Variants in STRBP observed in about 807,000 individuals in gnomAD.
STRBP encodes the protein spermatid perinuclear RNA-binding protein.
A neutral mutation model predicts 80.1 loss-of-function variants in STRBP; 13 were observed. The ratio of observed to expected loss-of-function variants is 0.16; its 90% CI spans 0.11 to 0.26. The LOEUF is 0.26. STRBP is among the 10% of genes least tolerant of loss of function. STRBP has a pLI of 1.00. For missense variants in STRBP, 485 were observed against 815.2 expected, an observed-to-expected ratio of 0.59 and a Z score of 4.93; for synonymous variants, 284 against 291.2, an observed-to-expected ratio of 0.98 and a Z score of 0.25.
rs1480044508 is a variant in STRBP, at chr9:123,159,225, A to G, written c.724-18T>C. 6.6e-7 allele frequency: 1 copy of G among 1,525,056 alleles called. No individual in the cohort carries two copies. The highest frequency in any genetic ancestry group is 1.7e-5 in the Admixed American group (1 of 59,680). 94.5% of individuals were successfully genotyped at this position (1,525,056 alleles called of 1,614,324 possible). On this transcript the variant is annotated intron_variant, in intron 8 of 18. Transcript: ENST00000348403. ...TCTAGTGGCTAGAAGATATTAAATT[A>G]CAAATTAGTACATGCACCAAGTGTT... is the stretch of plus-strand genomic sequence containing the variant.
At chr9:123,131,735 C>G (rs1169491886) in intron 17 of STRBP, among the ~76,000 whole-genome samples, 1 of 152,182 alleles carries the variant, frequency 6.6e-6, no homozygotes. Context: ...CTGTAAGCTG[C>G]ATGAGAACAA....
At chr9:123,192,831 T>G (rs1248154354) in intron 2 of STRBP, among the ~76,000 whole-genome samples, 1 of 152,166 alleles carries the variant, frequency 6.6e-6, no homozygotes, top group African/African-American at 2.4e-5. Context: ...AGACTCCTCT[T>G]CAAAACCTTC....
chr9:123,124,628 T>C lies in STRBP; in HGVS notation c.*969A>G, dbSNP rs1181584168. On this transcript the variant is annotated 3_prime_UTR_variant, in exon 19 of 19. Transcript: ENST00000348403. Reference sequence around the variant, plus strand: ...CTTCAATGAATCCCAGCAAAATCACTAATCTTCTATCTGCATGAAAAAAGC... The same window carrying C: ...CTTCAATGAATCCCAGCAAAATCACCAATCTTCTATCTGCATGAAAAAAGC... 1 of 985,328 alleles carries C rather than the reference T, an allele frequency of 1.0e-6. No individual in the cohort carries two copies. Among genetic ancestry groups the C allele is most frequent in the Non-Finnish European group, 1.2e-6 (1 of 829,938 alleles). The allele number at this position is 985,328 out of a possible 1,614,324, so 61.0% of individuals were successfully genotyped here.
intron 1 of STRBP, among the ~76,000 whole-genome samples, chr9:123,255,200 C>A (rs1183922369): frequency 6.6e-6 from 1 of 152,176 alleles, no homozygotes; most frequent in Non-Finnish European, 1.5e-5. Context: ...CCTCTGATAT[C>A]TTCTGGTATT....
chr9:123,217,728 T>TA (rs1468739199), intron 2 of STRBP, among the ~76,000 whole-genome samples: 1 of 152,226 alleles, frequency 6.6e-6, no homozygotes, highest in Non-Finnish European at 1.5e-5. Flanking sequence ...ATTTTAAACT[T>TA]AAACATATAA....
At chr9:123,183,800 A>T (rs1374121709) in intron 3 of STRBP, among the ~76,000 whole-genome samples, 3 of 152,178 alleles carry the variant, frequency 2.0e-5, no homozygotes, top group Non-Finnish European at 4.4e-5. Context: ...TAATTTCCAC[A>T]AGAAAAAAAA....
chr9:123,182,480 T>C (rs988802521), intron 3 of STRBP, among the ~76,000 whole-genome samples: 1 of 152,140 alleles, frequency 6.6e-6, no homozygotes, highest in African/African-American at 2.4e-5. Context: ...TGTAAGAATA[T>C]CAAGACTATA....
chr9:123,118,964 C>T (rs1440312228), downstream of STRBP, among the ~76,000 whole-genome samples: 1 of 152,204 alleles, frequency 6.6e-6, no homozygotes, highest in Non-Finnish European at 1.5e-5. Context: ...AAGCAACTTT[C>T]CAACTGTGTC....
Position 123,264,814 on chromosome 9 carries a change from C to T in STRBP, c.-302+3622G>A, listed in dbSNP as rs898395916. On this transcript the variant is annotated intron_variant, in intron 1 of 18. Coordinates refer to ENST00000348403, the MANE Select transcript of STRBP (RefSeq NM_018387.5). ...ATTTCACTGAACAATACATATAATC[C>T]GAACACTATACCAGAATTGAGTATT... Among the ~76,000 whole-genome samples the T allele has an allele frequency of 4.6e-5, 7 of 152,064 alleles. No individual in the cohort carries two copies. The East Asian group carries it at 5.8e-4, about 13-fold the overall frequency.
At chr9:123,169,547 G>A (rs968093939) in intron 6 of STRBP, among the ~76,000 whole-genome samples, 2 of 152,026 alleles carry the variant, frequency 1.3e-5, no homozygotes, top group African/African-American at 4.8e-5. Flanking sequence ...CCTGAAATCC[G>A]ACCATTAAGC....
Position 123,179,021 on chromosome 9 carries a change from T to G in STRBP, c.210A>C (p.Gly70=), listed in dbSNP as rs1268220563. 5 of 1,614,022 alleles carry G rather than the reference T, an allele frequency of 3.1e-6. No homozygotes were observed. Among genetic ancestry groups the G allele is most frequent in the Non-Finnish European group, 4.2e-6 (5 of 1,179,992 alleles). ...GETEVKKDEA[G]ENYSKDQGGR... ...TCCACACTCACTTGGAATAGTTTTCTCCGGCCTCATCTTTCTTCACTTCTG... is the reference window on the plus strand; with the variant it reads ...TCCACACTCACTTGGAATAGTTTTCGCCGGCCTCATCTTTCTTCACTTCTG... The change falls in exon 4 of 19, where the codon GGA becomes GGC. Residue 70 remains glycine (G), a synonymous_variant. Transcript: ENST00000348403.
intron 16 of STRBP, among the ~76,000 whole-genome samples, chr9:123,133,562 G>A (rs1017936762): frequency 1.3e-4 from 20 of 150,752 alleles, no homozygotes; most frequent in South Asian, 8.4e-4. Context: ...TTTTTGAGAC[G>A]GAGTCTCGCT....
At chr9:123,258,110 A>G (rs2041076097) in intron 1 of STRBP, among the ~76,000 whole-genome samples, 1 of 152,164 alleles carries the variant, frequency 6.6e-6, no homozygotes, top group African/African-American at 2.4e-5. Flanking sequence ...CCAAGTATAG[A>G]CTACAATTAA....
intron 1 of STRBP, among the ~76,000 whole-genome samples, chr9:123,263,014 A>G (rs1405653224): frequency 6.6e-6 from 1 of 152,256 alleles, no homozygotes; most frequent in Non-Finnish European, 1.5e-5. Context: ...GTTTTCTAAA[A>G]TTAGACTCGA....
intron 5 of STRBP, among the ~76,000 whole-genome samples, chr9:123,172,165 G>A (rs1302271754): frequency 6.6e-6 from 1 of 152,172 alleles, no homozygotes; most frequent in Non-Finnish European, 1.5e-5. Context: ...TGAGGATGAG[G>A]AATATGATCA....
intron 4 of STRBP, among the ~76,000 whole-genome samples, chr9:123,174,635 T>C (rs182341915): frequency 1.2e-3 from 177 of 152,326 alleles, no homozygotes; most frequent in Middle Eastern, 6.8e-3. Context: ...CTCCCAACTA[T>C]ATCATTCTAA....
At chr9:123,211,489 C>T (rs999795681) in intron 2 of STRBP, among the ~76,000 whole-genome samples, 1 of 152,078 alleles carries the variant, frequency 6.6e-6, no homozygotes, top group Admixed American at 6.6e-5. Context: ...TAAGTACCTA[C>T]CTTTTTTTTC....
intron 2 of STRBP, among the ~76,000 whole-genome samples, chr9:123,232,371 T>C (rs2040423257): frequency 1.3e-5 from 2 of 152,166 alleles, no homozygotes; most frequent in Admixed American, 1.3e-4. Flanking sequence ...ACCCTGCCCC[T>C]ATTCCATCTA....
intron 1 of STRBP, among the ~76,000 whole-genome samples, chr9:123,252,562 A>C (rs2040939431): frequency 6.6e-6 from 1 of 152,240 alleles, no homozygotes; most frequent in South Asian, 2.1e-4. Context: ...CTTTTAAATA[A>C]AAGTTTTTAA....
Sources: gnomAD v4.1 joint callset for allele counts (sites outside exome capture counted in the v4.1 genomes callset) on GRCh38, gnomAD v4.1.1 for gene constraint, MANE v1.5 for transcripts, NCBI Gene and HGNC (gene_info 2026-07-23, HGNC 2026-07-21) for gene names.